The following CMIP variants were observed in gnomAD, a reference collection of about 807,000 sequenced individuals.
CMIP encodes the protein C-Maf-inducing protein.
Under a neutral mutation model 97.3 loss-of-function variants are expected in CMIP, and 13 were observed. The ratio of observed to expected loss-of-function variants is 0.13; its 90% CI spans 0.09 to 0.21. The LOEUF is 0.21. CMIP is among the 10% of genes least tolerant of loss of function. CMIP has a pLI of 1.00. For synonymous variants in CMIP, 538 were observed against 436.3 expected (o/e 1.23, Z -2.91); for missense variants, 847 against 1,024.9 (o/e 0.83, Z 2.37).
chr16:81,690,450 A>G (rs1212455537), intron 10 of CMIP, among the ~76,000 whole-genome samples: 2 of 152,238 alleles, frequency 1.3e-5, no homozygotes, highest in African/African-American at 2.4e-5. Flanking sequence ...AAGCAAAAAT[A>G]GAAGTATCCA....
At chr16:81,603,392 T>G (rs2091690215) in intron 1 of CMIP, 1 of 454,310 alleles carries the variant, frequency 2.2e-6, no homozygotes, top group Non-Finnish European at 4.4e-6. Context: ...TTGTTTTTGT[T>G]TTTAAATAAA....
At chr16:81,528,943 G>GCACCCACCCGTCCATC (rs2090181662) in intron 1 of CMIP, among the ~76,000 whole-genome samples, 2 of 151,864 alleles carry the variant, frequency 1.3e-5, no homozygotes, top group African/African-American at 4.8e-5. Context: ...ACCAGTCCAT[G>GCACCCACCCGTCCATC]CACCCACCCG....
intron 1 of CMIP, among the ~76,000 whole-genome samples, chr16:81,530,458 C>G (rs1054938873): frequency 4.6e-5 from 7 of 152,024 alleles, no homozygotes; most frequent in Non-Finnish European, 8.8e-5. Context: ...ACAGATTTCT[C>G]TTGGTGGGAG....
At position 81,707,008 on chromosome 16, in the gene CMIP, G is replaced by C. The variant is rs767845616; in HGVS notation, c.2198-6G>C. 2 of 1,613,092 alleles carry C rather than the reference G, an allele frequency of 1.2e-6. No individual in the cohort carries two copies. Among genetic ancestry groups the C allele is most frequent in the South Asian group, 1.1e-5 (1 of 91,024 alleles). On this transcript the variant is annotated splice_polypyrimidine_tract_variant and splice_region_variant and intron_variant, in intron 19 of 20. Transcript: ENST00000537098. Reference sequence around the variant, plus strand: ...CTCCTAACAACTGTATCTGTCTCTTGTGCAGCCATGAAGAGTCTCTGCAGT... The same window carrying C: ...CTCCTAACAACTGTATCTGTCTCTTCTGCAGCCATGAAGAGTCTCTGCAGT...
At chr16:81,663,137 G>A (rs2092565743) in intron 6 of CMIP, among the ~76,000 whole-genome samples, 1 of 151,804 alleles carries the variant, frequency 6.6e-6, no homozygotes, top group Non-Finnish European at 1.5e-5. Flanking sequence ...GCACTCGTAG[G>A]TATTTCCCCA....
chr16:81,606,509 A>G (rs1413532886), intron 1 of CMIP, among the ~76,000 whole-genome samples: 3 of 152,168 alleles, frequency 2.0e-5, no homozygotes, highest in Non-Finnish European at 1.5e-5. Flanking sequence ...CGGGACAGCA[A>G]GACTCACTCA....
rs1597275932 is a variant in CMIP, at chr16:81,704,136, T to C, written c.2091+51T>C. Reference sequence around the variant, plus strand: ...CCCCCACACCCTCCTCCTTCACCTCTGCACTCTCCTCCCTATTCCCCCGTA... The same window carrying C: ...CCCCCACACCCTCCTCCTTCACCTCCGCACTCTCCTCCCTATTCCCCCGTA... On this transcript the variant is annotated intron_variant, in intron 18 of 20. Transcript: ENST00000537098. 8 of 1,512,214 alleles carry C rather than the reference T, an allele frequency of 5.3e-6. No individual in the cohort carries two copies. In the Admixed American group the frequency reaches 9.1e-5, roughly 17 times the overall value. 93.7% of individuals were successfully genotyped at this position (1,512,214 alleles called of 1,614,324 possible).
At chr16:81,549,851 C>T (rs970846281) in intron 1 of CMIP, among the ~76,000 whole-genome samples, 12 of 152,108 alleles carry the variant, frequency 7.9e-5, no homozygotes, top group East Asian at 1.9e-4. Flanking sequence ...TGCATGCGCG[C>T]GTGCATATGC....
At chr16:81,463,170 T>A (rs1021503233) in intron 1 of CMIP, among the ~76,000 whole-genome samples, 1 of 152,164 alleles carries the variant, frequency 6.6e-6, no homozygotes, top group African/African-American at 2.4e-5. Flanking sequence ...CAAGCACCAC[T>A]AAGAGAAGCT....
chr16:81,698,322 C>G (rs1906995868), intron 14 of CMIP, among the ~76,000 whole-genome samples: 1 of 152,224 alleles, frequency 6.6e-6, no homozygotes, highest in South Asian at 2.1e-4. Context: ...CCTTGGGCCC[C>G]CATCGCCCAT....
At chr16:81,459,672 C>T (rs978890886) in intron 1 of CMIP, among the ~76,000 whole-genome samples, 10 of 152,212 alleles carry the variant, frequency 6.6e-5, no homozygotes, top group Non-Finnish European at 1.5e-4. Context: ...TGGTGGCCTC[C>T]GGTCTGAGCA....
intron 2 of CMIP, among the ~76,000 whole-genome samples, chr16:81,610,858 G>A (rs2091820095): frequency 1.3e-5 from 2 of 152,150 alleles, no homozygotes; most frequent in Admixed American, 1.3e-4. Flanking sequence ...GCTGTACTTT[G>A]TCTTGATTCA....
chr16:81,476,622 T>C, intron 1 of CMIP: 4 of 414,576 alleles, frequency 9.6e-6, no homozygotes, highest in Non-Finnish European at 1.4e-5. Flanking sequence ...TGGGCCTTCT[T>C]GTGCAACTTG....
intron 1 of CMIP, among the ~76,000 whole-genome samples, chr16:81,454,972 G>A (rs888700109): frequency 2.0e-5 from 3 of 152,212 alleles, no homozygotes; most frequent in South Asian, 2.1e-4. Context: ...GGCACATTCC[G>A]GGAGTCTGTG....
At chr16:81,483,308 G>A (rs1034884347) in intron 1 of CMIP, among the ~76,000 whole-genome samples, 2 of 137,054 alleles carry the variant, frequency 1.5e-5, no homozygotes, top group Admixed American at 7.9e-5. Flanking sequence ...CAAAGGCCCT[G>A]GGGCAGCAAT....
At chr16:81,477,681 A>T (rs1045892759) in intron 1 of CMIP, among the ~76,000 whole-genome samples, 2 of 152,250 alleles carry the variant, frequency 1.3e-5, no homozygotes, top group African/African-American at 4.8e-5. Flanking sequence ...TTTCTCTCGT[A>T]TAAAGGAAAT....
At chr16:81,561,704 C>T (rs903316389) in intron 1 of CMIP, among the ~76,000 whole-genome samples, 1 of 152,188 alleles carries the variant, frequency 6.6e-6, no homozygotes, top group African/African-American at 2.4e-5. Context: ...TAAAAAGCAT[C>T]CCTCAGCTGC....
intron 3 of CMIP, among the ~76,000 whole-genome samples, chr16:81,638,607 C>A (rs1036469650): frequency 1.3e-5 from 2 of 152,104 alleles, no homozygotes; most frequent in Non-Finnish European, 2.9e-5. Flanking sequence ...CCTCTCCCCC[C>A]TCTCCCTTCT....
At chr16:81,701,917 C>A in intron 16 of CMIP, 117 bp downstream of exon 16, 2 of 1,297,446 alleles carry the variant, frequency 1.5e-6, no homozygotes, top group Non-Finnish European at 2.1e-6. Context: ...TTGAATTCTC[C>A]TCCAAACCCC....
Sources: gnomAD v4.1 joint callset for allele counts (sites outside exome capture counted in the v4.1 genomes callset) on GRCh38, gnomAD v4.1.1 for gene constraint, MANE v1.5 for transcripts, NCBI Gene and HGNC (gene_info 2026-07-23, HGNC 2026-07-21) for gene names.